Variants in NLGN1 observed in about 807,000 individuals in gnomAD.
NLGN1 encodes neuroligin-1.
In NLGN1, 12 loss-of-function variants were observed where a neutral mutation model predicts 65.5. The ratio of observed to expected loss-of-function variants is 0.18; its 90% CI spans 0.12 to 0.30. The LOEUF is 0.30. NLGN1 is among the 10% of genes least tolerant of loss of function. The pLI is 1.00. For synonymous variants in NLGN1, 350 were observed against 359.5 expected, an observed-to-expected ratio of 0.97 and a Z score of 0.30; for missense variants, 750 against 1,007.1, an observed-to-expected ratio of 0.74 and a Z score of 3.46.
intron 2 of NLGN1, among the ~76,000 whole-genome samples, chr3:173,562,304 C>T (rs966487369): frequency 3.3e-5 from 5 of 152,324 alleles, no homozygotes; most frequent in South Asian, 4.1e-4. Context: ...TGCTGTGGCT[C>T]ACGCCTGTAA....
chr3:174,079,193 A>T (rs531367216), intron 4 of NLGN1, among the ~76,000 whole-genome samples: 1 of 148,232 alleles, frequency 6.7e-6, no homozygotes, highest in African/African-American at 2.6e-5. Flanking sequence ...AATTTACAAG[A>T]AAAAAAAAAC....
chr3:174,171,487 G>A (rs1051516567), intron 4 of NLGN1, among the ~76,000 whole-genome samples: 6 of 152,066 alleles, frequency 3.9e-5, no homozygotes, highest in Non-Finnish European at 8.8e-5. Context: ...AGAAAAACAT[G>A]ATCTAGAATA....
At chr3:174,081,548 C>T (rs986142955) in intron 4 of NLGN1, among the ~76,000 whole-genome samples, 2 of 151,418 alleles carry the variant, frequency 1.3e-5, no homozygotes, top group Non-Finnish European at 2.9e-5. Flanking sequence ...GATCTAATGC[C>T]CCCCTTACAT....
intron 3 of NLGN1, among the ~76,000 whole-genome samples, chr3:173,657,317 T>C (rs766462645): frequency 1.9e-4 from 29 of 152,018 alleles, no homozygotes; most frequent in Admixed American, 3.9e-4. Context: ...CCTGGGGCAT[T>C]TGGGGTTCTA....
rs542828561 is a variant in NLGN1 at position 174,152,716 on chromosome 3, A to T, written c.647-122599A>T. Among the ~76,000 whole-genome samples, 6 of 152,216 alleles carry T rather than the reference A, an allele frequency of 3.9e-5. No individual in the cohort carries two copies. The South Asian group carries it at 1.0e-3, about 26-fold the overall frequency. ...TAAACATATTAGGTTTAAAGGACATATCATTTAGGCTGACACATAGTATTC... is the reference window on the plus strand; with the variant it reads ...TAAACATATTAGGTTTAAAGGACATTTCATTTAGGCTGACACATAGTATTC... On this transcript the variant is annotated intron_variant, in intron 4 of 6. Coordinates refer to ENST00000457714, the Ensembl canonical transcript of NLGN1.
At chr3:174,082,143 T>C (rs1742362617) in intron 4 of NLGN1, among the ~76,000 whole-genome samples, 2 of 152,290 alleles carry the variant, frequency 1.3e-5, no homozygotes, top group Admixed American at 1.3e-4. Flanking sequence ...TTGTAACTGC[T>C]CCTGTATTTA....
intron 3 of NLGN1, among the ~76,000 whole-genome samples, chr3:173,687,944 A>G (rs978078316): frequency 2.0e-5 from 3 of 152,246 alleles, no homozygotes; most frequent in African/African-American, 7.2e-5. Flanking sequence ...ATTTCAGGAA[A>G]TACTAGTTCT....
intron 4 of NLGN1, among the ~76,000 whole-genome samples, chr3:173,871,542 A>G (rs1428683590): frequency 2.6e-5 from 4 of 152,214 alleles, no homozygotes; most frequent in Non-Finnish European, 4.4e-5. Context: ...TTGAATGGAA[A>G]TATTTCAAGC....
intron 2 of NLGN1, among the ~76,000 whole-genome samples, chr3:173,527,373 C>T (rs1380960082): frequency 6.6e-6 from 1 of 152,048 alleles, no homozygotes; most frequent in African/African-American, 2.4e-5. Context: ...TGAGAAATAC[C>T]TATTCAGAAT....
At chr3:174,248,447 A>C (rs149923324) in intron 4 of NLGN1, among the ~76,000 whole-genome samples, 1 of 152,234 alleles carries the variant, frequency 6.6e-6, no homozygotes, top group Non-Finnish European at 1.5e-5. Flanking sequence ...GATGCATTGC[A>C]TAATAAAGAG....
chr3:173,966,539 C>A (rs551957346), intron 4 of NLGN1, among the ~76,000 whole-genome samples: 4 of 152,082 alleles, frequency 2.6e-5, no homozygotes, highest in African/African-American at 9.7e-5. Context: ...CTGTAGATAT[C>A]GGTTTAAGAA....
At chr3:174,151,347 A>G (rs1416402325) in intron 4 of NLGN1, among the ~76,000 whole-genome samples, 1 of 152,110 alleles carries the variant, frequency 6.6e-6, no homozygotes, top group Non-Finnish European at 1.5e-5. Flanking sequence ...TAATAGTCAT[A>G]ATTTTTACTT....
At chr3:173,742,770 T>C (rs886338619) in intron 3 of NLGN1, among the ~76,000 whole-genome samples, 1 of 152,162 alleles carries the variant, frequency 6.6e-6, no homozygotes, top group African/African-American at 2.4e-5. Flanking sequence ...AAGTTGTAAT[T>C]TGTTTTCCAT....
At chr3:173,564,727 A>C (rs1211941025) in intron 2 of NLGN1, among the ~76,000 whole-genome samples, 1 of 152,226 alleles carries the variant, frequency 6.6e-6, no homozygotes, top group Non-Finnish European at 1.5e-5. Context: ...CAAACACAAG[A>C]AGTCAATCAT....
intron 2 of NLGN1, among the ~76,000 whole-genome samples, chr3:173,596,452 T>A (rs927030353): frequency 6.6e-6 from 1 of 152,224 alleles, no homozygotes; most frequent in Non-Finnish European, 1.5e-5. Context: ...TAAAATGTGC[T>A]CTTGTTTTAT....
chr3:173,998,897 G>C (rs1722763043), intron 4 of NLGN1, among the ~76,000 whole-genome samples: 1 of 152,206 alleles, frequency 6.6e-6, no homozygotes, highest in Non-Finnish European at 1.5e-5. Context: ...ACTTGGGTCT[G>C]AAAGTGTTAT....
rs1210396210 is a variant in NLGN1, at chr3:173,702,115, T to C, written c.493+97024T>C. ...TTAGCTGGGCGTAGTGGCGGGCGCC[T>C]GTAGTCCCAGCTACTCGGGAGGCTG... On this transcript the variant is annotated intron_variant, in intron 3 of 6. Transcript: ENST00000457714. 2.0e-5 allele frequency among the ~76,000 whole-genome samples: 3 copies of C among 148,900 alleles called. No individual in the cohort carries two copies. The East Asian group carries it at 5.9e-4, about 29-fold the overall frequency.
chr3:174,039,605 A>G (rs1383723909), intron 4 of NLGN1, among the ~76,000 whole-genome samples: 1 of 152,158 alleles, frequency 6.6e-6, no homozygotes, highest in Non-Finnish European at 1.5e-5. Context: ...CAAAGGCACC[A>G]GGTAAGGGAG....
At chr3:173,855,805 A>G (rs1299518771) in intron 4 of NLGN1, among the ~76,000 whole-genome samples, 1 of 152,126 alleles carries the variant, frequency 6.6e-6, no homozygotes, top group Admixed American at 6.5e-5. Flanking sequence ...TCACAATTCA[A>G]CTCTATAAAT....
Sources: gnomAD v4.1 joint callset for allele counts (sites outside exome capture counted in the v4.1 genomes callset) on GRCh38, gnomAD v4.1.1 for gene constraint, MANE v1.5 for transcripts, NCBI Gene and HGNC (gene_info 2026-07-23, HGNC 2026-07-21) for gene names.